The following WWP1 variants were observed in gnomAD, a reference collection of about 807,000 sequenced individuals.
WWP1 encodes NEDD4-like E3 ubiquitin-protein ligase WWP1.
Under a neutral mutation model 130.6 loss-of-function variants are expected in WWP1, and 49 were observed. The observed-to-expected ratio is 0.38, with a 90% CI of 0.30 to 0.48. The LOEUF is 0.48. Ranked by LOEUF, WWP1 falls within the 20% of genes least tolerant of loss-of-function variation. The probability of loss-of-function intolerance (pLI) is 0.99; values close to 1 mark genes in which losing one functional copy is unlikely to be tolerated. For missense variants in WWP1, 809 were observed against 1,100.6 expected (o/e 0.74, Z 3.75); for synonymous variants, 332 against 367.8 (o/e 0.90, Z 1.11).
chr8:86,349,110 C>G (rs138395388), intron 1 of WWP1, among the ~76,000 whole-genome samples: 2 of 152,292 alleles, frequency 1.3e-5, no homozygotes, highest in Admixed American at 6.5e-5. Context: ...CAACCTCCAC[C>G]TCCCAGGTTC....
chr8:86,362,247 G>GT (rs1823711378), intron 1 of WWP1, among the ~76,000 whole-genome samples: 1 of 129,022 alleles, frequency 7.8e-6, no homozygotes, highest in Non-Finnish European at 1.6e-5. Flanking sequence ...CTAATGCCTA[G>GT]TTTCTTTGAT....
intron 22 of WWP1, among the ~76,000 whole-genome samples, chr8:86,459,918 T>C (rs1020076502): frequency 3.3e-5 from 5 of 152,246 alleles, no homozygotes; most frequent in African/African-American, 1.2e-4. Context: ...TCTTGTTTCT[T>C]GTGTTCTGAT....
chr8:86,438,959 TG>T (rs1485365477), intron 17 of WWP1, among the ~76,000 whole-genome samples: 2 of 152,242 alleles, frequency 1.3e-5, no homozygotes, highest in Non-Finnish European at 2.9e-5. Context: ...GATCTGATTT[TG>T]TTTTTTTATA....
rs1488870837 is a variant in WWP1 at position 86,468,163 on chromosome 8, AAATTTC to A, written c.*1272_*1277del. ...GTATCATGCTTTTAATATGCACTGT[AAATTTC>A]ATTAACTTAAACATTTTTTAATAGC... On this transcript the variant is annotated 3_prime_UTR_variant, in exon 25 of 25. Transcript: ENST00000517970. 1 of 235,948 alleles carries A rather than the reference AAATTTC, an allele frequency of 4.2e-6. No homozygotes were observed. Among genetic ancestry groups the A allele is most frequent in the Non-Finnish European group, 8.5e-6 (1 of 118,236 alleles). The allele number at this position is 235,948 out of a possible 1,614,324, so 14.6% of individuals were successfully genotyped here.
At chr8:86,411,158 T>TA (rs1386730098) in intron 8 of WWP1, among the ~76,000 whole-genome samples, 1 of 152,150 alleles carries the variant, frequency 6.6e-6, no homozygotes, top group African/African-American at 2.4e-5. Flanking sequence ...AGCTACCACT[T>TA]ACACAAGGGA....
In WWP1 at chr8:86,381,542, T is replaced by C; in HGVS notation, c.247T>C (p.Trp83Arg). The C allele has an allele frequency of 5.0e-6, 8 of 1,610,396 alleles. No individual in the cohort carries two copies. Among genetic ancestry groups the C allele is most frequent in the Non-Finnish European group, 5.9e-6 (7 of 1,179,188 alleles). The change falls in exon 5 of 25, where the codon TGG becomes CGG. Residue 83 changes from tryptophan (W) to arginine (R), a missense_variant. Trp to Arg is a moderately radical substitution (Grantham distance 101). Around this residue, in one of 3 missense-constraint regions of WWP1, gnomAD observed 262 missense variants for 346.0 expected, o/e 0.76. Transcript: ENST00000517970. ...ACAGACTACATTGGAATTTCAAGTT[T>C]GGAGCCATCGCACTTTAAAAGCAGA... ...TPQTTLEFQV[W>R]SHRTLKADAL...
rs555585296 is a variant in WWP1 at position 86,370,855 on chromosome 8, C to CTTTTTTTTTTT, written c.-22+1842_-22+1852dup. Among the ~76,000 whole-genome samples the CTTTTTTTTTTT allele has an allele frequency of 3.0e-3, 135 of 44,888 alleles. 25 individuals are homozygous for CTTTTTTTTTTT. The highest frequency in any genetic ancestry group is 4.6e-3 in the African/African-American group (44 of 9,652). 29.4% of individuals were successfully genotyped at this position (44,888 alleles called of 152,430 possible). Reference sequence around the variant, plus strand: ...GGTATTGCTTATAGCTATATTCATTCTTTTTTTTTTTTTTTTTTTTTTTTT... The same window carrying CTTTTTTTTTTT: ...GGTATTGCTTATAGCTATATTCATTCTTTTTTTTTTTTTTTTTTTTTTTTTTTTTTTTTTTT... On this transcript the variant is annotated intron_variant, in intron 2 of 24. Transcript: ENST00000517970.
intron 16 of WWP1, 57 bp downstream of exon 16, chr8:86,435,761 T>C: frequency 3.2e-6 from 5 of 1,545,192 alleles, no homozygotes; most frequent in Non-Finnish European, 4.4e-6. Flanking sequence ...TCTGTGCATC[T>C]AAAGAAAGTC....
At chr8:86,422,925 A>G (rs888257370) in intron 9 of WWP1, among the ~76,000 whole-genome samples, 6 of 152,190 alleles carry the variant, frequency 3.9e-5, no homozygotes, top group African/African-American at 1.4e-4. Context: ...TTCATGGGGC[A>G]GTATCACCAC....
Position 86,433,644 on chromosome 8 carries a change from G to A in WWP1, c.1602-1808G>A, listed in dbSNP as rs117159985. Among the ~76,000 whole-genome samples, 201 of 152,014 alleles carry A rather than the reference G, an allele frequency of 1.3e-3. 5 individuals carry two copies. The East Asian group carries it at 0.037, about 28-fold the overall frequency. On this transcript the variant is annotated intron_variant, in intron 14 of 24. Coordinates refer to ENST00000517970, the MANE Select transcript of WWP1 (RefSeq NM_007013.4). ...TAACTCCACTCTAGCAGGTGCTTGGGTCAAAAATTTTGAAATCACCTTGTT... is the reference window on the plus strand; with the variant it reads ...TAACTCCACTCTAGCAGGTGCTTGGATCAAAAATTTTGAAATCACCTTGTT...
intron 1 of WWP1, among the ~76,000 whole-genome samples, chr8:86,348,530 C>G (rs1404557950): frequency 6.6e-6 from 1 of 152,140 alleles, no homozygotes; most frequent in Non-Finnish European, 1.5e-5. Flanking sequence ...CTTGACATTT[C>G]TTAAATCTAC....
chr8:86,366,714 T>A (rs1354755409), intron 1 of WWP1, among the ~76,000 whole-genome samples: 1 of 152,204 alleles, frequency 6.6e-6, no homozygotes, highest in African/African-American at 2.4e-5. Flanking sequence ...CACTGTTCAC[T>A]AGGATTATCA....
At chr8:86,448,572 C>A in intron 20 of WWP1, 59 bp downstream of exon 20, 2 of 1,475,256 alleles carry the variant, frequency 1.4e-6, no homozygotes, top group Admixed American at 2.2e-5. Flanking sequence ...TAAATCCTCT[C>A]TCTGTACCCT....
rs1211559244 is a variant in WWP1 at position 86,425,289 on chromosome 8, A to G, written c.1128A>G (p.Thr376=). 18 of 1,613,328 alleles carry G rather than the reference A, an allele frequency of 1.1e-5. No homozygotes were observed. The highest frequency in any genetic ancestry group is 4.5e-5 in the East Asian group (2 of 44,766). The change falls in exon 10 of 25, where the codon ACA becomes ACG. Residue 376 remains threonine (T), a synonymous_variant. Transcript: ENST00000517970. ...TGGATCATAATACTCGAACTACCAC[A>G]TGGGAGAGACCACAACCTTTACCTC... The part of the protein sequence containing the change: ...YYVDHNTRTT[T]WERPQPLPPG...
At chr8:86,414,103 C>T (rs764335062) in intron 9 of WWP1, among the ~76,000 whole-genome samples, 3 of 151,874 alleles carry the variant, frequency 2.0e-5, no homozygotes, top group African/African-American at 4.8e-5. Flanking sequence ...GAGTGCAACC[C>T]GTTAATAGGT....
chr8:86,429,927 G>A (rs1041450755), intron 11 of WWP1, among the ~76,000 whole-genome samples: 11 of 152,090 alleles, frequency 7.2e-5, no homozygotes, highest in Non-Finnish European at 1.3e-4. Context: ...GGCTGGGAGC[G>A]GTGGCTTACA....
intron 3 of WWP1, among the ~76,000 whole-genome samples, chr8:86,375,949 T>A (rs531442691): frequency 1.2e-4 from 18 of 152,376 alleles, no homozygotes; most frequent in African/African-American, 4.1e-4. Flanking sequence ...TTGGGATTGT[T>A]CATAATTAGA....
intron 8 of WWP1, among the ~76,000 whole-genome samples, chr8:86,411,275 C>G (rs974908281): frequency 2.0e-5 from 3 of 152,128 alleles, no homozygotes; most frequent in African/African-American, 7.2e-5. Context: ...ATGCTGGTTC[C>G]TCTCTCCTTA....
chr8:86,386,993 C>G (rs1825323005), intron 5 of WWP1: 1 of 152,166 alleles, frequency 6.6e-6, no homozygotes, highest in African/African-American at 2.4e-5. Flanking sequence ...CACACCCACT[C>G]ACTCAAGTCC....
Sources: allele counts gnomAD v4.1 joint callset (sites outside exome capture counted in the v4.1 genomes callset), GRCh38; gene constraint gnomAD v4.1.1; regional missense constraint gnomAD v4.1.1; transcripts MANE v1.5; gene names NCBI Gene and HGNC (gene_info 2026-07-23, HGNC 2026-07-21).